The following ZNF189 variants were observed in gnomAD, a reference collection of about 807,000 sequenced individuals.
The protein encoded by ZNF189 is zinc finger protein 189.
In ZNF189, 33 loss-of-function variants were observed where a neutral mutation model predicts 53.5. The ratio of observed to expected loss-of-function variants is 0.62; its 90% confidence interval spans 0.47 to 0.82. ZNF189 has a LOEUF of 0.82. Ranked by LOEUF, ZNF189 falls within the 40% of genes least tolerant of loss-of-function variation. The pLI is 0.00. For synonymous variants in ZNF189, 247 were observed against 238.8 expected (o/e 1.03, Z -0.32); for missense variants, 711 against 753.9 (o/e 0.94, Z 0.67).
intron 1 of ZNF189, chr9:101,399,517 G>A (rs1830451847): frequency 7.8e-7 from 1 of 1,283,758 alleles, no homozygotes; most frequent in Admixed American, 4.0e-5. Flanking sequence ...CTGGCACAGT[G>A]CCTGGACCCC....
In ZNF189 at chr9:101,408,179, C is replaced by T; in HGVS notation, c.411C>T (p.Ile137=). 6.2e-7 allele frequency: 1 copy of T among 1,614,092 alleles called. No individual in the cohort carries two copies. The highest frequency in any genetic ancestry group is 8.5e-7 in the Non-Finnish European group (1 of 1,180,008). ...QRMFRENTNI[I]RKRPNSEEKC... ...TGTTCAGAGAAAACACTAACATTAT[C>T]CGTAAAAGACCAAACTCAGAAGAGA... is the stretch of plus-strand genomic sequence containing the variant. The change falls in exon 3 of 3, where the codon ATC becomes ATT. Residue 137 remains isoleucine (I), a synonymous_variant. Coordinates refer to ENST00000339664, the MANE Select transcript of ZNF189 (RefSeq NM_003452.4).
In ZNF189 at chr9:101,408,724, G is replaced by T. The variant is rs865805006; in HGVS notation, c.956G>T (p.Gly319Val). ...IHTGERPHKC[G>V]ECGKAFRLST... ...ACTGGGGAAAGACCCCATAAATGTG[G>T]TGAATGTGGGAAAGCCTTTCGATTA... Residue 319 changes from glycine to valine, a missense_variant, in exon 3 of 3, where the codon GGT (glycine) becomes GTT (valine). Physicochemically the swap from Gly to Val is moderately radical, Grantham distance 109 (BLOSUM62 -3). Coordinates refer to ENST00000339664, the MANE Select transcript of ZNF189 (RefSeq NM_003452.4). 1.2e-6 allele frequency: 2 copies of T among 1,614,004 alleles called. No individual in the cohort carries two copies. The highest frequency in any genetic ancestry group is 2.7e-5 in the African/African-American group (2 of 74,914).
chr9:101,399,373 C>CT (rs58742366), intron 1 of ZNF189, 184 bp downstream of exon 1: 20,315 of 920,580 alleles, frequency 0.022, no homozygotes, highest in East Asian at 0.04. Flanking sequence ...CACTGGCTCC[C>CT]TTTTTTTTTT....
chr9:101,408,739 C>A lies in ZNF189; in HGVS notation c.971C>A (p.Ala324Asp). Residue 324 changes from alanine to aspartate, a missense_variant, in exon 3 of 3, where the codon GCC becomes GAC. Physicochemically the swap from Ala to Asp is moderately radical, Grantham distance 126. Coordinates refer to ENST00000339664, the MANE Select transcript of ZNF189 (RefSeq NM_003452.4). The stretch of plus-strand genomic sequence containing the variant: ...CATAAATGTGGTGAATGTGGGAAAG[C>A]CTTTCGATTAAGCACATACCTTATA... ...RPHKCGECGK[A>D]FRLSTYLIQH... 1.2e-6 allele frequency: 2 copies of A among 1,614,140 alleles called. No homozygotes were observed. Among genetic ancestry groups the A allele is most frequent in the Non-Finnish European group, 1.7e-6 (2 of 1,180,012 alleles).
Position 101,409,189 on chromosome 9 carries a change from A to C in ZNF189, c.1421A>C (p.His474Pro), listed in dbSNP as rs1372879095. 6.2e-7 allele frequency: 1 copy of C among 1,614,106 alleles called. No homozygotes were observed. The highest frequency in any genetic ancestry group is 8.5e-7 in the Non-Finnish European group (1 of 1,180,020). Reference sequence around the variant, plus strand: ...AGTGTTAGTGCTCATCTTGTACAACATCAAAGAATCCACACTGGTGAAAAG... The same window carrying C: ...AGTGTTAGTGCTCATCTTGTACAACCTCAAAGAATCCACACTGGTGAAAAG... ...TFSVSAHLVQ[H>P]QRIHTGEKPY... Residue 474 changes from histidine to proline, a missense_variant, in exon 3 of 3, where the codon CAT becomes CCT. Coordinates refer to ENST00000339664, the MANE Select transcript of ZNF189 (RefSeq NM_003452.4).
chr9:101,401,694 A>T (rs774446574), intron 2 of ZNF189, among the ~76,000 whole-genome samples: 1 of 152,104 alleles, frequency 6.6e-6, no homozygotes, highest in African/African-American at 2.4e-5. Flanking sequence ...TCTTGCCTCT[A>T]ATACTCCCTT....
chr9:101,399,052 TCC>T lies in ZNF189; in HGVS notation c.-104_-103del. On this transcript the variant is annotated 5_prime_UTR_variant, in exon 1 of 3. Coordinates refer to ENST00000339664, the MANE Select transcript of ZNF189 (RefSeq NM_003452.4). ...GGCACTGGCCAGACCCAGCCAGGGA[TCC>T]TCGTATTCGTCGAGCCTAATTTCCA... is the stretch of plus-strand genomic sequence containing the variant. 1 of 831,800 alleles carries T rather than the reference TCC, an allele frequency of 1.2e-6. No individual in the cohort carries two copies. Among genetic ancestry groups the T allele is most frequent in the Non-Finnish European group, 2.1e-6 (1 of 484,640 alleles). The allele number at this position is 831,800 out of a possible 1,614,324, so 51.5% of individuals were successfully genotyped here. A position where few individuals can be genotyped will look rare whatever the true frequency, so the allele number is the denominator to read the frequency against.
intron 2 of ZNF189, 130 bp downstream of exon 2, chr9:101,400,140 A>G (rs1378629878): frequency 7.9e-7 from 1 of 1,264,276 alleles, no homozygotes; most frequent in Non-Finnish European, 1.1e-6. Flanking sequence ...CCTTTTAGCC[A>G]TTAATTGTTT....
intron 1 of ZNF189, 92 bp from the exon 2 acceptor site, chr9:101,399,792 T>C (rs1830463832): frequency 6.3e-7 from 1 of 1,581,174 alleles, no homozygotes; most frequent in Non-Finnish European, 8.6e-7. Context: ...CCTAGCCTAC[T>C]TGGCCACAAT....
At chr9:101,404,725 TTGAA>T (rs1195358807) in intron 2 of ZNF189, among the ~76,000 whole-genome samples, 1 of 152,200 alleles carries the variant, frequency 6.6e-6, no homozygotes, top group Non-Finnish European at 1.5e-5. Flanking sequence ...TCTTATTCAT[TTGAA>T]TGAAATTGAC....
intron 2 of ZNF189, among the ~76,000 whole-genome samples, chr9:101,406,148 T>G (rs1830703589): frequency 1.3e-5 from 2 of 152,172 alleles, no homozygotes; most frequent in Non-Finnish European, 2.9e-5. Flanking sequence ...GAAACCAGAT[T>G]TCGCCACAGG....
At chr9:101,404,363 T>A (rs1189642331) in intron 2 of ZNF189, among the ~76,000 whole-genome samples, 1 of 135,496 alleles carries the variant, frequency 7.4e-6, no homozygotes, top group African/African-American at 2.8e-5. Flanking sequence ...TTTTTATTGG[T>A]TCATGTGATT....
intron 1 of ZNF189, 85 bp from the exon 2 acceptor site, chr9:101,399,799 C>T: frequency 6.3e-7 from 1 of 1,596,370 alleles, no homozygotes; most frequent in Non-Finnish European, 8.5e-7. Context: ...TACTTGGCCA[C>T]AATAAGTGAT....
chr9:101,402,125 G>T (rs983585312), intron 2 of ZNF189, among the ~76,000 whole-genome samples: 51 of 150,990 alleles, frequency 3.4e-4, no homozygotes, highest in Non-Finnish European at 2.7e-4. Context: ...TGTGTTGGCC[G>T]GGCTGGTCTC....
intron 2 of ZNF189, among the ~76,000 whole-genome samples, chr9:101,403,502 T>C (rs1469232232): frequency 1.3e-5 from 2 of 152,244 alleles, no homozygotes; most frequent in Non-Finnish European, 2.9e-5. Flanking sequence ...CTTGTCTAGC[T>C]TTATAGTTTT....
rs1295686807 is a variant in ZNF189, at chr9:101,409,621, A to C, written c.1853A>C (p.Gln618Pro). 1 of 1,611,420 alleles carries C rather than the reference A, an allele frequency of 6.2e-7. No individual in the cohort carries two copies. The highest frequency in any genetic ancestry group is 8.5e-7 in the Non-Finnish European group (1 of 1,179,264). ...TGCCGTATTTCTCTTATTCAGCATC[A>C]GAAATTGCACACAGCATGGATGCAA... is the stretch of plus-strand genomic sequence containing the variant. ...FNCRISLIQHQKLHTAWMQ is the reference protein window; with the variant it reads ...FNCRISLIQHPKLHTAWMQ The change falls in exon 3 of 3, where the codon CAG becomes CCG. Residue 618 changes from glutamine to proline, a missense_variant. Transcript: ENST00000339664.
At position 101,409,350 on chromosome 9, in the gene ZNF189, A is replaced by G. The variant is rs61758383; in HGVS notation, c.1582A>G (p.Ile528Val). The change falls in exon 3 of 3, where the codon ATT becomes GTT. Residue 528 changes from isoleucine (I) to valine (V), a missense_variant. By Grantham distance (29) the Ile-to-Val change is conservative (BLOSUM62 3). Coordinates refer to ENST00000339664, the MANE Select transcript of ZNF189 (RefSeq NM_003452.4). ...AAGCTTTAGTCAGCTTTGTAATCTT[A>G]TTCGACATCAGGGTGTTCACACAGG... ...GKSFSQLCNL[I>V]RHQGVHTGNK... 2 of 1,614,030 alleles carry G rather than the reference A, an allele frequency of 1.2e-6. No individual in the cohort carries two copies. The highest frequency in any genetic ancestry group is 1.3e-5 in the African/African-American group (1 of 74,916).
intron 2 of ZNF189, among the ~76,000 whole-genome samples, chr9:101,400,649 A>G (rs1015794584): frequency 6.6e-6 from 1 of 152,172 alleles, no homozygotes; most frequent in African/African-American, 2.4e-5. Flanking sequence ...TTCATAGTCT[A>G]TTTTAACTCG....
chr9:101,399,978 T>C lies in ZNF189; in HGVS notation c.128T>C (p.Met43Thr), dbSNP rs1830474907. Residue 43 changes from methionine (M) to threonine (T), a missense_variant, in exon 2 of 3, where the codon ATG becomes ACG. Met to Thr is a moderately conservative substitution (Grantham distance 81). Coordinates refer to ENST00000339664, the MANE Select transcript of ZNF189 (RefSeq NM_003452.4). Reference sequence around the variant, plus strand: ...CAGAGAAGCCTGTATAAAGATGTCATGATGGAGAATTATGGAAACCTGGTC... The same window carrying C: ...CAGAGAAGCCTGTATAAAGATGTCACGATGGAGAATTATGGAAACCTGGTC... Reference protein sequence around the residue: ...PAQRSLYKDVMMENYGNLVSL... With the variant: ...PAQRSLYKDVTMENYGNLVSL... The C allele has an allele frequency of 6.2e-7, 1 of 1,614,080 alleles. No homozygotes were observed. The highest frequency in any genetic ancestry group is 8.5e-7 in the Non-Finnish European group (1 of 1,180,028).
Sources: allele counts gnomAD v4.1 joint callset (sites outside exome capture counted in the v4.1 genomes callset), GRCh38; gene constraint gnomAD v4.1.1; transcripts MANE v1.5; gene names NCBI Gene and HGNC (gene_info 2026-07-23, HGNC 2026-07-21).